The following COLEC10 variants were observed in gnomAD, a reference collection of about 807,000 sequenced individuals.
COLEC10 encodes collectin subfamily member 10.
A neutral mutation model predicts 28.4 loss-of-function variants in COLEC10; 22 were observed. The ratio of observed to expected loss-of-function variants is 0.78; its 90% confidence interval spans 0.55 to 1.11. COLEC10 has a LOEUF of 1.11. Ranked by LOEUF, COLEC10 falls within the 50% of genes least tolerant of loss-of-function variation. COLEC10 has a pLI of 0.00. For missense variants in COLEC10, 361 were observed against 344.1 expected, an observed-to-expected ratio of 1.05 and a Z score of -0.39; for synonymous variants, 125 against 116.1, an observed-to-expected ratio of 1.08 and a Z score of -0.49.
chr8:119,017,676 C>T (rs1394872923), intron 2 of COLEC10, among the ~76,000 whole-genome samples: 2 of 152,148 alleles, frequency 1.3e-5, no homozygotes, highest in African/African-American at 4.8e-5. Flanking sequence ...CATCACTATG[C>T]ATACCACTGT....
At chr8:119,085,590 CTTCTTCTT>C in intron 1 of COLEC10, among the ~76,000 whole-genome samples, 1 of 96,992 alleles carries the variant, frequency 1.0e-5, no homozygotes, top group Non-Finnish European at 2.0e-5. Flanking sequence ...CTTCTTCTTT[CTTCTTCTT>C]CTTTTTTTTT....
intron 2 of COLEC10, among the ~76,000 whole-genome samples, chr8:119,029,646 C>T (rs1008464745): frequency 2.0e-5 from 3 of 152,042 alleles, no homozygotes; most frequent in Non-Finnish European, 4.4e-5. Flanking sequence ...AATTCATGTG[C>T]TTTGGGTTAT....
At chr8:118,985,142 C>CA in the COLEC10 span, among the ~76,000 whole-genome samples, 9 of 152,026 alleles carry the variant, frequency 5.9e-5, no homozygotes, top group Non-Finnish European at 1.2e-4. Context: ...ATGGCCCTTC[C>CA]AAAACCTTGA....
intron 1 of COLEC10, among the ~76,000 whole-genome samples, chr8:118,999,201 G>A (rs892619196): frequency 1.3e-5 from 2 of 152,240 alleles, no homozygotes; most frequent in South Asian, 4.2e-4. Context: ...AATGGTGTGT[G>A]AGTGACATTT....
At chr8:119,052,475 C>T (rs1004096525) in intron 2 of COLEC10, among the ~76,000 whole-genome samples, 2 of 152,256 alleles carry the variant, frequency 1.3e-5, no homozygotes, top group East Asian at 1.9e-4. Flanking sequence ...ATTTTTAAAG[C>T]TACCATAGCT....
chr8:118,997,754 G>C (rs1460890818), intron 1 of COLEC10, among the ~76,000 whole-genome samples: 2 of 152,032 alleles, frequency 1.3e-5, no homozygotes, highest in African/African-American at 2.4e-5. Context: ...TGAGTGTTTG[G>C]GTGTCTTCTG....
chr8:119,060,930 G>C (rs2130195368), intron 2 of COLEC10, among the ~76,000 whole-genome samples: 3 of 151,828 alleles, frequency 2.0e-5, no homozygotes, highest in Middle Eastern at 6.8e-3. Flanking sequence ...AGAAGCACAA[G>C]GAATTTAGAC....
At chr8:119,059,998 T>C (rs1167016991) in intron 2 of COLEC10, among the ~76,000 whole-genome samples, 4 of 152,128 alleles carry the variant, frequency 2.6e-5, no homozygotes, top group African/African-American at 7.2e-5. Context: ...TTCCTTTTCA[T>C]GACTAATTTT....
chr8:118,982,498 G>C, the COLEC10 span: 1 of 156,040 alleles, frequency 6.4e-6, no homozygotes, highest in African/African-American at 2.4e-5. Flanking sequence ...CAGGAACGGT[G>C]CACCTACACA....
chr8:119,099,412 A>G (rs1393522839), intron 3 of COLEC10, among the ~76,000 whole-genome samples: 1 of 152,046 alleles, frequency 6.6e-6, no homozygotes, highest in Admixed American at 6.6e-5. Flanking sequence ...AAATATTACT[A>G]TACCTAATTT....
intron 2 of COLEC10, among the ~76,000 whole-genome samples, chr8:119,027,616 C>T (rs988042409): frequency 3.3e-5 from 5 of 152,148 alleles, no homozygotes; most frequent in Non-Finnish European, 5.9e-5. Flanking sequence ...AGCTAATTCT[C>T]CAGCAACAGC....
upstream of COLEC10, among the ~76,000 whole-genome samples, chr8:118,991,575 C>A (rs1467468022): frequency 6.6e-6 from 1 of 152,076 alleles, no homozygotes; most frequent in Non-Finnish European, 1.5e-5. Context: ...GGCTCCGAAA[C>A]CCCTGGTCTA....
chr8:118,964,747 G>A, the COLEC10 span, among the ~76,000 whole-genome samples: 4 of 152,146 alleles, frequency 2.6e-5, no homozygotes, highest in Non-Finnish European at 4.4e-5. Flanking sequence ...TTTCCCAGGA[G>A]TGAACAAAGT....
upstream of COLEC10, among the ~76,000 whole-genome samples, chr8:118,991,594 C>G (rs984530756): frequency 6.6e-6 from 1 of 152,052 alleles, no homozygotes; most frequent in African/African-American, 2.4e-5. Context: ...TATGCACTCA[C>G]CATAATACAT....
intron 1 of COLEC10, among the ~76,000 whole-genome samples, chr8:119,004,733 C>T (rs901074712): frequency 7.9e-5 from 12 of 151,738 alleles, no homozygotes; most frequent in Non-Finnish European, 1.2e-4. Flanking sequence ...CTGTTTCTAA[C>T]TTGTAGTAGG....
intron 2 of COLEC10, among the ~76,000 whole-genome samples, chr8:119,045,198 A>G (rs1814566194): frequency 6.6e-6 from 1 of 152,236 alleles, no homozygotes; most frequent in Non-Finnish European, 1.5e-5. Flanking sequence ...CGGCATTAAT[A>G]CAATGTAACA....
chr8:119,056,898 A>C (rs1267548844), intron 2 of COLEC10, among the ~76,000 whole-genome samples: 1 of 152,026 alleles, frequency 6.6e-6, no homozygotes, highest in Non-Finnish European at 1.5e-5. Flanking sequence ...ATCAAGTTCC[A>C]ACCTCTATGC....
intron 3 of COLEC10, among the ~76,000 whole-genome samples, chr8:119,100,912 C>T (rs1815812605): frequency 6.6e-6 from 1 of 152,096 alleles, no homozygotes; most frequent in African/African-American, 2.4e-5. Flanking sequence ...GAAATGTGTC[C>T]ACATGGCTCA....
At chr8:118,989,618 A>G in the COLEC10 span, among the ~76,000 whole-genome samples, 1 of 151,488 alleles carries the variant, frequency 6.6e-6, no homozygotes, top group African/African-American at 2.4e-5. Context: ...CAGAATACCA[A>G]AGACAAAATC....
Sources: gnomAD v4.1 joint callset for allele counts (sites outside exome capture counted in the v4.1 genomes callset) on GRCh38, gnomAD v4.1.1 for gene constraint, MANE v1.5 for transcripts, NCBI Gene and HGNC (gene_info 2026-07-23, HGNC 2026-07-21) for gene names.